ASAH2: variants seen among roughly 807,000 people sequenced by gnomAD.
The protein encoded by ASAH2 is N-acylsphingosine amidohydrolase 2.
In ASAH2, 58 loss-of-function variants were observed where a neutral mutation model predicts 82.9. The ratio of observed to expected loss-of-function variants is 0.70; its 90% CI spans 0.57 to 0.87. The LOEUF (loss-of-function observed/expected upper bound fraction) is 0.87. Among genes scored for constraint, ASAH2 ranks in the 40% least tolerant of loss-of-function variants. The pLI, the probability that ASAH2 is intolerant of heterozygous loss-of-function variation, is 0.00. For synonymous variants in ASAH2, 276 were observed against 289.7 expected (o/e 0.95, Z 0.48); for missense variants, 779 against 834.0 (o/e 0.93, Z 0.81).
At chr10:50,247,221 C>G (rs1227945837) in intron 2 of ASAH2, among the ~76,000 whole-genome samples, 3 of 151,870 alleles carry the variant, frequency 2.0e-5, no homozygotes, top group Admixed American at 6.6e-5. Flanking sequence ...GGCGTGATCT[C>G]AGCTCACTGC....
Position 50,210,827 on chromosome 10 carries a change from T to A in ASAH2, c.1410A>T (p.Thr470=), listed in dbSNP as rs1564838353. 2 of 1,610,240 alleles carry A rather than the reference T, an allele frequency of 1.2e-6. No individual in the cohort carries two copies. Among genetic ancestry groups the A allele is most frequent in the Non-Finnish European group, 1.7e-6 (2 of 1,176,502 alleles). ...TTTTACTGGACTTCACCTTACCCTG[T>A]GTAAAATTGAGGCCTCCAACTCCAT... The part of the protein sequence containing the change: ...TIDGVGGLNF[T]QGKTEGDPFW... The change falls in exon 12 of 21, where the codon ACA becomes ACT. Residue 470 remains threonine, a synonymous_variant. Transcript: ENST00000682911.
At chr10:50,206,400 T>C (rs1307260436) in intron 12 of ASAH2, among the ~76,000 whole-genome samples, 2 of 151,860 alleles carry the variant, frequency 1.3e-5, no homozygotes, top group Non-Finnish European at 2.9e-5. Flanking sequence ...ATAAAAACAG[T>C]TTGACATAAT....
chr10:50,206,083 C>A lies in ASAH2; in HGVS notation c.1429G>T (p.Asp477Tyr). 1 of 1,611,570 alleles carries A rather than the reference C, an allele frequency of 6.2e-7. No homozygotes were observed. The highest frequency in any genetic ancestry group is 1.1e-5 in the South Asian group (1 of 91,024). The change falls in exon 13 of 21, where the codon GAT becomes TAT. Residue 477 changes from aspartate (D) to tyrosine (Y), a missense_variant. Asp to Tyr is a radical substitution (Grantham distance 160). Around this residue, in one of 3 missense-constraint regions of ASAH2, gnomAD observed 759 missense variants for 755.2 expected, o/e 1.00. Coordinates refer to ENST00000682911, the MANE Select transcript of ASAH2 (RefSeq NM_019893.4). The part of the protein sequence containing the change: ...LNFTQGKTEG[D>Y]PFWDTIRDQI... ...TCCCGAATGGTGTCCCAAAATGGAT[C>A]CCCTTCTGTTTTCCCTATTAGAAAT...
rs1589356629 is a variant in ASAH2, at chr10:50,240,567, A to T, written c.510+2635T>A. The T allele has an allele frequency of 2.8e-5, 20 of 702,144 alleles. No individual in the cohort carries two copies. The East Asian group carries it at 5.4e-4, about 19-fold the overall frequency. 43.5% of individuals were successfully genotyped at this position (702,144 alleles called of 1,614,324 possible). On this transcript the variant is annotated intron_variant, in intron 4 of 20. Coordinates refer to ENST00000682911, the MANE Select transcript of ASAH2 (RefSeq NM_019893.4). ...GTCCATATCACCCACAGAATTAAAA[A>T]CAAGCTGGCATCTCAAGGCCCTCTG...
chr10:50,218,593 T>C lies in ASAH2; in HGVS notation c.931A>G (p.Asn311Asp). ...ACATTGTCACTGTTTACAAGATGGT[T>C]ACTGTTGTTCATGCTGACCGGGTGG... ...AIHPVSMNNSNHLVNSDNVGY... is the reference protein window; with the variant it reads ...AIHPVSMNNSDHLVNSDNVGY... Residue 311 changes from asparagine to aspartate, a missense_variant, in exon 8 of 21, where the codon AAC (asparagine) becomes GAC (aspartate). Coordinates refer to ENST00000682911, the MANE Select transcript of ASAH2 (RefSeq NM_019893.4). 2.5e-6 allele frequency: 4 copies of C among 1,613,812 alleles called. No homozygotes were observed. The highest frequency in any genetic ancestry group is 3.4e-6 in the Non-Finnish European group (4 of 1,179,762).
chr10:50,214,891 G>A (rs1564839912), intron 8 of ASAH2, 23 bp from the exon 9 acceptor site: 18 of 1,612,912 alleles, frequency 1.1e-5, no homozygotes, highest in Middle Eastern at 1.7e-4. Context: ...ATGCCAAGTT[G>A]CCTTTTATTC....
chr10:50,199,047 T>TGC lies in ASAH2; in HGVS notation c.1857+3_1857+4insGC. 6.2e-7 allele frequency: 1 copy of TGC among 1,612,988 alleles called. No individual in the cohort carries two copies. Among genetic ancestry groups the TGC allele is most frequent in the Non-Finnish European group, 8.5e-7 (1 of 1,179,322 alleles). ...GCATGCACGCACAAACAATATTTGA[T>TGC]TACCGTAGCAATAGCCTTAGCAAGG... On this transcript the variant is annotated splice_donor_region_variant and intron_variant, in intron 17 of 20. Transcript: ENST00000682911.
In ASAH2 at chr10:50,248,654, G is replaced by A. The variant is rs1289174770; in HGVS notation, c.-36-8C>T. ...GAGATGGAAGAAGAAATACTGAAGA[G>A]GAAGAAATCACAAATTAAAATGCAA... On this transcript the variant is annotated splice_polypyrimidine_tract_variant and splice_region_variant and intron_variant, in intron 1 of 20. Coordinates refer to ENST00000682911, the MANE Select transcript of ASAH2 (RefSeq NM_019893.4). 6.3e-7 allele frequency: 1 copy of A among 1,583,834 alleles called. No homozygotes were observed. The highest frequency in any genetic ancestry group is 8.6e-7 in the Non-Finnish European group (1 of 1,163,766).
chr10:50,204,625 G>A (rs1845245749), intron 14 of ASAH2, among the ~76,000 whole-genome samples: 1 of 151,648 alleles, frequency 6.6e-6, no homozygotes, highest in East Asian at 1.9e-4. Flanking sequence ...TTTAATTTGG[G>A]ATAAGTTTTT....
chr10:50,231,687 A>T (rs1245669612), intron 7 of ASAH2, among the ~76,000 whole-genome samples: 2 of 152,132 alleles, frequency 1.3e-5, no homozygotes, highest in African/African-American at 4.8e-5. Flanking sequence ...AGATAAGTTG[A>T]TTGTAGTAGA....
chr10:50,210,720 T>A (rs2133206446), intron 12 of ASAH2, 103 bp downstream of exon 12: 1 of 1,102,126 alleles, frequency 9.1e-7, no homozygotes, highest in East Asian at 2.3e-5. Context: ...GACCCTGAGT[T>A]TAAAAATTAA....
intron 1 of ASAH2, among the ~76,000 whole-genome samples, chr10:50,251,062 T>C (rs1389043758): frequency 2.6e-5 from 4 of 152,356 alleles, no homozygotes; most frequent in Non-Finnish European, 2.9e-5. Context: ...ATGCCTTCCC[T>C]GCCTTTAGAA....
chr10:50,209,773 C>A (rs374486732), intron 12 of ASAH2, among the ~76,000 whole-genome samples: 1 of 152,044 alleles, frequency 6.6e-6, no homozygotes, highest in Non-Finnish European at 1.5e-5. Flanking sequence ...GTGGTTAATA[C>A]GCACATGAAA....
chr10:50,205,559 G>A (rs1845271903), intron 13 of ASAH2, among the ~76,000 whole-genome samples: 4 of 152,156 alleles, frequency 2.6e-5, no homozygotes, highest in South Asian at 2.1e-4. Context: ...TCAAAGGAGT[G>A]TAAAAGAAAA....
chr10:50,205,639 C>T (rs940147530), intron 13 of ASAH2, among the ~76,000 whole-genome samples: 2 of 152,044 alleles, frequency 1.3e-5, no homozygotes, highest in African/African-American at 4.8e-5. Flanking sequence ...TTTTAGATGA[C>T]CTGAAATATT....
At chr10:50,222,095 C>T (rs1223676271) in intron 7 of ASAH2, among the ~76,000 whole-genome samples, 6 of 152,142 alleles carry the variant, frequency 3.9e-5, no homozygotes, top group African/African-American at 9.7e-5. Flanking sequence ...GGAAAGATGG[C>T]AGCTGTATCA....
intron 7 of ASAH2, among the ~76,000 whole-genome samples, chr10:50,221,222 C>T (rs1295506036): frequency 1.3e-5 from 2 of 152,062 alleles, no homozygotes; most frequent in African/African-American, 4.8e-5. Flanking sequence ...TCTTAGAACT[C>T]AAGTATCAGG....
intron 20 of ASAH2, among the ~76,000 whole-genome samples, chr10:50,189,172 C>T (rs1483476819): frequency 6.8e-6 from 1 of 146,120 alleles, no homozygotes; most frequent in African/African-American, 2.7e-5. Flanking sequence ...ACTCTATACT[C>T]CTTTCAACCA....
Position 50,234,483 on chromosome 10 carries a change from C to A in ASAH2, c.757G>T (p.Val253Leu). 1 of 1,613,110 alleles carries A rather than the reference C, an allele frequency of 6.2e-7. No homozygotes were observed. Among genetic ancestry groups the A allele is most frequent in the Non-Finnish European group, 8.5e-7 (1 of 1,179,312 alleles). Residue 253 changes from valine to leucine, a missense_variant, in exon 6 of 21, where the codon GTG becomes TTG. Val to Leu is a conservative substitution (Grantham distance 32). Coordinates refer to ENST00000682911, the MANE Select transcript of ASAH2 (RefSeq NM_019893.4). ...IFINKGNVDGVQINRSPYSYL... is the reference protein window; with the variant it reads ...IFINKGNVDGLQINRSPYSYL... ...GAATACGGACTTCTGTTGATCTGCA[C>A]ACCATCCACATTTCCTTTATTGATG...
Sources: allele counts gnomAD v4.1 joint callset (sites outside exome capture counted in the v4.1 genomes callset), GRCh38; gene constraint gnomAD v4.1.1; regional missense constraint gnomAD v4.1.1; transcripts MANE v1.5; gene names NCBI Gene and HGNC (gene_info 2026-07-23, HGNC 2026-07-21).